The following RAB6B variants were observed in gnomAD, a reference collection of about 807,000 sequenced individuals.
RAB6B encodes the protein ras-related protein Rab-6B.
A neutral mutation model predicts 31.2 loss-of-function variants in RAB6B; 7 were observed. The observed-to-expected ratio is 0.22, with a 90% confidence interval of 0.13 to 0.42. RAB6B has a LOEUF of 0.42. Among genes scored for constraint, RAB6B ranks in the 10% least tolerant of loss-of-function variants. The pLI, the probability that RAB6B is intolerant of heterozygous loss-of-function variation, is 1.00. For missense variants in RAB6B, 149 were observed against 280.6 expected (o/e 0.53, Z 3.35); for synonymous variants, 105 against 104.9 (o/e 1.00, Z -0.01).
chr3:133,874,459 A>G (rs1394840780), intron 1 of RAB6B, among the ~76,000 whole-genome samples: 1 of 152,222 alleles, frequency 6.6e-6, no homozygotes, highest in Non-Finnish European at 1.5e-5. Context: ...CTAAACAGCA[A>G]AGGTACAGTA....
chr3:133,889,437 TATATATATTTA>T (rs1936604861), intron 1 of RAB6B, among the ~76,000 whole-genome samples: 1 of 87,006 alleles, frequency 1.1e-5, no homozygotes. Context: ...TATATATATA[TATATATATTTA>T]TTTTGGGATG....
chr3:133,839,303 G>C (rs1157756499), intron 5 of RAB6B, among the ~76,000 whole-genome samples: 3 of 152,234 alleles, frequency 2.0e-5, no homozygotes, highest in African/African-American at 7.2e-5. Flanking sequence ...GCCTGGTGGT[G>C]GAAGACAGGG....
chr3:133,862,231 T>G (rs1936170253), intron 2 of RAB6B, among the ~76,000 whole-genome samples: 1 of 152,152 alleles, frequency 6.6e-6, no homozygotes, highest in South Asian at 2.1e-4. Context: ...CTTGATCTGA[T>G]GGGTCTAAAA....
Position 133,826,794 on chromosome 3 carries a change from C to T in RAB6B, c.*1994G>A, listed in dbSNP as rs1935570806. The T allele has an allele frequency of 6.5e-6, 1 of 152,686 alleles. No individual in the cohort carries two copies. Among genetic ancestry groups the T allele is most frequent in the African/African-American group, 2.4e-5 (1 of 41,476 alleles). The allele number at this position is 152,686 out of a possible 1,614,324, so 9.5% of individuals were successfully genotyped here. A position where few individuals can be genotyped will look rare whatever the true frequency, so the allele number is the denominator to read the frequency against. On this transcript the variant is annotated 3_prime_UTR_variant, in exon 8 of 8. Coordinates refer to ENST00000285208, the MANE Select transcript of RAB6B (RefSeq NM_016577.4). ...CAATATTAAGTATTTCTTATTTCAA[C>T]ACGTTGCAGTACTTTTGAATTTCCA...
chr3:133,850,919 T>C (rs1036919430), intron 2 of RAB6B, among the ~76,000 whole-genome samples: 8 of 147,570 alleles, frequency 5.4e-5, no homozygotes, highest in Middle Eastern at 3.3e-3. Context: ...CAGAGGAAAA[T>C]GACACACCTC....
At chr3:133,852,866 C>T (rs1238072346) in intron 2 of RAB6B, among the ~76,000 whole-genome samples, 1 of 152,132 alleles carries the variant, frequency 6.6e-6, no homozygotes, top group Non-Finnish European at 1.5e-5. Context: ...AAATGCAAGC[C>T]TGGGAGCATT....
chr3:133,858,101 C>T lies in RAB6B; in HGVS notation c.129+6483G>A, dbSNP rs111921446. On this transcript the variant is annotated intron_variant, in intron 2 of 7. Transcript: ENST00000285208. ...TGTCTGGGTCAGGAACCCTCCATGG[C>T]GCACCCTTCCTACCCAGGGATCCCA... is the stretch of plus-strand genomic sequence containing the variant. Among the ~76,000 whole-genome samples, 709 of 152,270 alleles carry T rather than the reference C, an allele frequency of 4.7e-3. 6 individuals carry two copies. Among genetic ancestry groups the T allele is most frequent in the South Asian group, 0.038 (182 of 4,824 alleles).
intron 3 of RAB6B, 78 bp downstream of exon 3, chr3:133,841,532 G>T: frequency 6.4e-7 from 1 of 1,561,294 alleles, no homozygotes; most frequent in African/African-American, 1.4e-5. Flanking sequence ...GCTCTCAGTG[G>T]TGCCCAGCTA....
At chr3:133,883,855 C>A (rs1286779452) in intron 1 of RAB6B, among the ~76,000 whole-genome samples, 1 of 152,244 alleles carries the variant, frequency 6.6e-6, no homozygotes, top group South Asian at 2.1e-4. Context: ...GCTCTCCAAT[C>A]CTGAGCCAAA....
chr3:133,845,700 C>T (rs1935899074), intron 2 of RAB6B, among the ~76,000 whole-genome samples: 1 of 152,002 alleles, frequency 6.6e-6, no homozygotes, highest in East Asian at 1.9e-4. Flanking sequence ...GTAACAAAAT[C>T]CAAGACTATA....
At chr3:133,867,288 C>T (rs1455138484) in intron 1 of RAB6B, among the ~76,000 whole-genome samples, 1 of 152,132 alleles carries the variant, frequency 6.6e-6, no homozygotes, top group Non-Finnish European at 1.5e-5. Flanking sequence ...AACACATGAC[C>T]CCAGCATTTA....
chr3:133,861,306 G>A lies in RAB6B; in HGVS notation c.129+3278C>T, dbSNP rs529144351. On this transcript the variant is annotated intron_variant, in intron 2 of 7. Coordinates refer to ENST00000285208, the MANE Select transcript of RAB6B (RefSeq NM_016577.4). ...CTTCTTCAAGTGAGTGGATTTAGAT[G>A]AGGTGATGGGCAGGGTGTTGAGAGG... Among the ~76,000 whole-genome samples the A allele has an allele frequency of 7.2e-5, 11 of 152,332 alleles. No homozygotes were observed. The South Asian group carries it at 1.9e-3, about 26-fold the overall frequency.
chr3:133,835,472 C>G (rs1185104786), intron 6 of RAB6B, among the ~76,000 whole-genome samples: 5 of 146,642 alleles, frequency 3.4e-5, no homozygotes, highest in African/African-American at 7.6e-5. Context: ...TGTGGGTTTT[C>G]TGTGTGTGTG....
intron 6 of RAB6B, among the ~76,000 whole-genome samples, chr3:133,835,434 T>A (rs2107987807): frequency 6.6e-6 from 1 of 151,768 alleles, no homozygotes; most frequent in East Asian, 1.9e-4. Flanking sequence ...ATAGTGTGTG[T>A]CCTTGGTAAG....
At position 133,869,479 on chromosome 3, in the gene RAB6B, G is replaced by T. The variant is rs137919971; in HGVS notation, c.71-4837C>A. Among the ~76,000 whole-genome samples the T allele has an allele frequency of 2.5e-3, 381 of 152,348 alleles. 3 individuals are homozygous for T. Among genetic ancestry groups the T allele is most frequent in the African/African-American group, 8.6e-3 (359 of 41,584 alleles). ...GGAGGAGCATGGATTCTCGCCCAAGGGCAGTGGGAGCTTCAGAAAGGATCT... is the reference window on the plus strand; with the variant it reads ...GGAGGAGCATGGATTCTCGCCCAAGTGCAGTGGGAGCTTCAGAAAGGATCT... On this transcript the variant is annotated intron_variant, in intron 1 of 7. Transcript: ENST00000285208.
chr3:133,853,573 C>A (rs1260229832), intron 2 of RAB6B, among the ~76,000 whole-genome samples: 1 of 151,908 alleles, frequency 6.6e-6, no homozygotes, highest in African/African-American at 2.4e-5. Context: ...ATGCAGCTGG[C>A]AGAGTGCCCC....
chr3:133,859,331 G>A (rs1205103025), intron 2 of RAB6B, among the ~76,000 whole-genome samples: 1 of 152,132 alleles, frequency 6.6e-6, no homozygotes. Flanking sequence ...CTAGATGATG[G>A]AAAATTACAC....
At chr3:133,836,656 T>C (rs2692672) in intron 6 of RAB6B, among the ~76,000 whole-genome samples, 1 of 151,910 alleles carries the variant, frequency 6.6e-6, no homozygotes, top group East Asian at 1.9e-4. Flanking sequence ...CTGCCCTCCC[T>C]CTGCTTCCCT....
intron 1 of RAB6B, among the ~76,000 whole-genome samples, chr3:133,893,711 C>T (rs547542206): frequency 1.1e-4 from 16 of 152,294 alleles, no homozygotes; most frequent in African/African-American, 3.6e-4. Flanking sequence ...AAGTGAGTCA[C>T]AGAGAGGCCT....
Sources: allele counts gnomAD v4.1 joint callset (sites outside exome capture counted in the v4.1 genomes callset), GRCh38; gene constraint gnomAD v4.1.1; transcripts MANE v1.5; gene names NCBI Gene and HGNC (gene_info 2026-07-23, HGNC 2026-07-21).